Variants in ASIC2 observed in about 807,000 individuals in gnomAD.
ASIC2 encodes acid sensing ion channel subunit 2.
A neutral mutation model predicts 57.3 loss-of-function variants in ASIC2; 25 were observed. That is an observed-to-expected ratio of 0.44 (90% CI 0.32 to 0.61). ASIC2 has a LOEUF of 0.61. ASIC2 is among the 20% of genes least tolerant of loss of function. ASIC2 has a pLI of 0.06. For missense variants in ASIC2, 641 were observed against 738.1 expected, an observed-to-expected ratio of 0.87 and a Z score of 1.52; for synonymous variants, 319 against 307.5, an observed-to-expected ratio of 1.04 and a Z score of -0.39.
chr17:34,156,621 C>T lies in ASIC2; in HGVS notation c.-89G>A. On this transcript the variant is annotated 5_prime_UTR_variant, in exon 1 of 10. Coordinates refer to the ASIC2 transcript ENST00000359872. The surrounding 1 kb of genome is among the most constrained non-coding windows in gnomAD (Gnocchi z 4.4). ...TCCTCGGGCTCTGCTTAAACCTTGA[C>T]GTTCAGGGGAGAGAACGCAAGGCAA... 7 of 1,370,938 alleles carry T rather than the reference C, an allele frequency of 5.1e-6. No individual in the cohort carries two copies. Among genetic ancestry groups the T allele is most frequent in the South Asian group, 2.9e-5 (2 of 68,128 alleles). The allele number at this position is 1,370,938 out of a possible 1,614,324, so 84.9% of individuals were successfully genotyped here.
At chr17:33,820,005 TGA>T (rs1170577305) in intron 1 of ASIC2, among the ~76,000 whole-genome samples, 2 of 152,288 alleles carry the variant, frequency 1.3e-5, no homozygotes, top group African/African-American at 4.8e-5. Flanking sequence ...GCTGAAAATC[TGA>T]GACTCTTATG....
chr17:33,495,504 C>T (rs1264785291), intron 1 of ASIC2, among the ~76,000 whole-genome samples: 2 of 152,234 alleles, frequency 1.3e-5, no homozygotes, highest in Non-Finnish European at 2.9e-5. Flanking sequence ...CAAATCAACT[C>T]CCTTCACCCC....
chr17:33,786,188 G>A (rs940615290), intron 1 of ASIC2, among the ~76,000 whole-genome samples: 12 of 152,100 alleles, frequency 7.9e-5, no homozygotes, highest in African/African-American at 2.9e-4. Context: ...TGACTAACTG[G>A]CAGGTTCAAG....
At chr17:33,685,117 G>C (rs142582093) in intron 1 of ASIC2, among the ~76,000 whole-genome samples, 3 of 152,162 alleles carry the variant, frequency 2.0e-5, no homozygotes, top group Non-Finnish European at 4.4e-5. Context: ...CCCCTGGGGG[G>C]GCTTAGTCTT....
chr17:33,198,861 T>G (rs951035458), intron 1 of ASIC2, among the ~76,000 whole-genome samples: 3 of 152,182 alleles, frequency 2.0e-5, no homozygotes, highest in African/African-American at 7.2e-5. Context: ...AAAAAATAAG[T>G]TTGAATTCAG....
At chr17:33,890,919 A>AG (rs1914946092) in intron 1 of ASIC2, among the ~76,000 whole-genome samples, 1 of 152,058 alleles carries the variant, frequency 6.6e-6, no homozygotes, top group South Asian at 2.1e-4. Context: ...CTTGGTAAGC[A>AG]GCAGACACTC....
chr17:33,380,963 G>GA (rs995590984), intron 1 of ASIC2, among the ~76,000 whole-genome samples: 1 of 152,100 alleles, frequency 6.6e-6, no homozygotes, highest in African/African-American at 2.4e-5. Flanking sequence ...GCCCCAGTGA[G>GA]AAAAAAGTGG....
At chr17:33,351,471 C>T (rs915263569) in intron 1 of ASIC2, among the ~76,000 whole-genome samples, 1 of 152,180 alleles carries the variant, frequency 6.6e-6, no homozygotes, top group African/African-American at 2.4e-5. Flanking sequence ...AATGATTTCC[C>T]ATCTTCTCTC....
At chr17:33,195,351 C>A (rs1472957227) in intron 1 of ASIC2, among the ~76,000 whole-genome samples, 1 of 152,130 alleles carries the variant, frequency 6.6e-6, no homozygotes, top group African/African-American at 2.4e-5. Context: ...AGTCCTCTAC[C>A]CGCTTTACAC....
At chr17:33,496,529 C>T (rs959313855) in intron 1 of ASIC2, among the ~76,000 whole-genome samples, 10 of 151,670 alleles carry the variant, frequency 6.6e-5, no homozygotes, top group African/African-American at 2.2e-4. Context: ...TTCAAATGCC[C>T]TCACCTTCTG....
intron 1 of ASIC2, chr17:33,792,986 G>A (rs578252529): frequency 2.0e-5 from 3 of 152,276 alleles, no homozygotes; most frequent in South Asian, 4.1e-4. Flanking sequence ...CCACTGCCCA[G>A]AACAGGACTT....
chr17:33,749,701 C>T (rs73282791), intron 1 of ASIC2, among the ~76,000 whole-genome samples: 4,123 of 152,142 alleles, frequency 0.027, 184 homozygotes, highest in African/African-American at 0.087. Flanking sequence ...CAGCTTGCCC[C>T]GGCCTGACAC....
chr17:33,633,837 A>C (rs1020391629), intron 1 of ASIC2, among the ~76,000 whole-genome samples: 1 of 152,150 alleles, frequency 6.6e-6, no homozygotes, highest in Non-Finnish European at 1.5e-5. Context: ...GGCATGTTTT[A>C]CTGCCACCTG....
At chr17:33,835,997 A>G (rs1006287698) in intron 1 of ASIC2, among the ~76,000 whole-genome samples, 1 of 151,042 alleles carries the variant, frequency 6.6e-6, no homozygotes, top group Non-Finnish European at 1.5e-5. Context: ...TTAGAGGCTA[A>G]TAATTATGTC....
chr17:33,629,502 C>G (rs913527487), intron 1 of ASIC2, among the ~76,000 whole-genome samples: 1 of 152,066 alleles, frequency 6.6e-6, no homozygotes, highest in Non-Finnish European at 1.5e-5. Flanking sequence ...TAGTGTTGAC[C>G]AAGTGACGTA....
chr17:34,102,195 T>C lies in ASIC2; in HGVS notation c.555+53783A>G, dbSNP rs61497675. On this transcript the variant is annotated intron_variant, in intron 1 of 9. Coordinates refer to the ASIC2 transcript ENST00000359872. ...ATATACAAAAATTAACCGGGTGTGGTGGTGGGTGCCTGCAACCCCAGCTAC... is the reference window on the plus strand; with the variant it reads ...ATATACAAAAATTAACCGGGTGTGGCGGTGGGTGCCTGCAACCCCAGCTAC... Among the ~76,000 whole-genome samples the C allele has an allele frequency of 5.9e-3, 890 of 151,988 alleles. 10 individuals carry two copies. Among genetic ancestry groups the C allele is most frequent in the African/African-American group, 0.02 (840 of 41,440 alleles).
chr17:33,924,033 C>T (rs78006864), intron 1 of ASIC2, among the ~76,000 whole-genome samples: 268 of 152,334 alleles, frequency 1.8e-3, no homozygotes, highest in African/African-American at 6.1e-3. Flanking sequence ...GAATCCCTGG[C>T]CCCTGCTCCC....
intron 1 of ASIC2, among the ~76,000 whole-genome samples, chr17:34,154,597 A>G (rs1439831180): frequency 6.6e-6 from 1 of 152,192 alleles, no homozygotes; most frequent in African/African-American, 2.4e-5. Context: ...GAGACTGGTT[A>G]TGGCATTAAA....
chr17:33,058,431 G>GCAATTTT (rs2092006306), intron 3 of ASIC2, among the ~76,000 whole-genome samples: 1 of 133,744 alleles, frequency 7.5e-6, no homozygotes, highest in Non-Finnish European at 1.5e-5. Flanking sequence ...TAATCTACAT[G>GCAATTTT]CAATTTTCTA....
Sources: allele counts gnomAD v4.1 joint callset (sites outside exome capture counted in the v4.1 genomes callset), GRCh38; gene constraint gnomAD v4.1.1; non-coding constraint Gnocchi (gnomAD v3.1); transcripts MANE v1.5; gene names NCBI Gene and HGNC (gene_info 2026-07-23, HGNC 2026-07-21).